Variants in METAP1D observed in about 807,000 individuals in gnomAD.
METAP1D encodes the protein methionyl aminopeptidase type 1D, mitochondrial, also known as methionine aminopeptidase 1D, mitochondrial.
In METAP1D, 31 loss-of-function variants were observed where a neutral mutation model predicts 40.5. That is an observed-to-expected ratio of 0.77 (90% CI 0.58 to 1.03). METAP1D has a LOEUF of 1.03. Among genes scored for constraint, METAP1D ranks in the 50% least tolerant of loss-of-function variants. METAP1D has a pLI of 0.00. For missense variants in METAP1D, 411 were observed against 420.7 expected, an observed-to-expected ratio of 0.98 and a Z score of 0.20; for synonymous variants, 151 against 146.4, an observed-to-expected ratio of 1.03 and a Z score of -0.22.
chr2:172,000,322 A>G (rs1015578935), intron 1 of METAP1D, among the ~76,000 whole-genome samples: 2 of 152,216 alleles, frequency 1.3e-5, no homozygotes, highest in African/African-American at 4.8e-5. Flanking sequence ...AGTGTAACCA[A>G]CATTTATTCT....
At chr2:172,001,056 G>C (rs1285886815) in intron 1 of METAP1D, among the ~76,000 whole-genome samples, 1 of 152,068 alleles carries the variant, frequency 6.6e-6, no homozygotes, top group Non-Finnish European at 1.5e-5. Flanking sequence ...TTTGCAGAAG[G>C]GAAAAGTAAG....
intron 1 of METAP1D, among the ~76,000 whole-genome samples, chr2:172,003,982 T>C (rs1045164085): frequency 9.2e-5 from 14 of 152,032 alleles, no homozygotes; most frequent in African/African-American, 2.9e-4. Context: ...GCCAGGCTGG[T>C]CTCTCTTGAA....
At chr2:172,035,281 C>T (rs1403684157) in intron 1 of METAP1D, among the ~76,000 whole-genome samples, 1 of 152,126 alleles carries the variant, frequency 6.6e-6, no homozygotes, top group Non-Finnish European at 1.5e-5. Flanking sequence ...TCTCCTGCCT[C>T]AGCCTCCCGA....
intron 5 of METAP1D, among the ~76,000 whole-genome samples, chr2:172,068,484 A>G (rs1574140915): frequency 6.6e-6 from 1 of 151,910 alleles, no homozygotes; most frequent in African/African-American, 2.4e-5. Context: ...TTTCAAAAGT[A>G]TTGTATTTCT....
intron 1 of METAP1D, among the ~76,000 whole-genome samples, chr2:172,019,766 A>G (rs2105394386): frequency 6.6e-6 from 1 of 152,240 alleles, no homozygotes; most frequent in South Asian, 2.1e-4. Flanking sequence ...TTTAAAATTC[A>G]TCTCAAGTAC....
chr2:172,060,408 CCCTG>C (rs1690111832), intron 1 of METAP1D, among the ~76,000 whole-genome samples: 2 of 147,434 alleles, frequency 1.4e-5, no homozygotes, highest in South Asian at 4.3e-4. Flanking sequence ...CAGAGCAAGA[CCCTG>C]TCTCAAAAAA....
chr2:172,055,948 T>C (rs549522329), intron 1 of METAP1D, among the ~76,000 whole-genome samples: 10 of 152,182 alleles, frequency 6.6e-5, no homozygotes, highest in Non-Finnish European at 1.2e-4. Flanking sequence ...GCAACACTGT[T>C]CATCCTAAAA....
chr2:172,015,752 G>A (rs1688838231), intron 1 of METAP1D, among the ~76,000 whole-genome samples: 1 of 151,996 alleles, frequency 6.6e-6, no homozygotes, highest in Non-Finnish European at 1.5e-5. Flanking sequence ...TTAAGGCCAG[G>A]AGTTCCAGAC....
intron 1 of METAP1D, among the ~76,000 whole-genome samples, chr2:172,003,426 CT>C (rs2105368137): frequency 1.3e-5 from 2 of 152,284 alleles, no homozygotes; most frequent in Admixed American, 1.3e-4. Context: ...GAAATCTCAG[CT>C]TGAATTGTAA....
chr2:172,052,144 C>T (rs1689898089), intron 1 of METAP1D, among the ~76,000 whole-genome samples: 1 of 152,198 alleles, frequency 6.6e-6, no homozygotes, highest in African/African-American at 2.4e-5. Flanking sequence ...TTTCCAACAC[C>T]TGCATACCAA....
intron 1 of METAP1D, among the ~76,000 whole-genome samples, chr2:172,041,372 T>C (rs1393393771): frequency 7.8e-6 from 1 of 127,432 alleles, no homozygotes; most frequent in East Asian, 2.1e-4. Flanking sequence ...GGCATAAGAA[T>C]CGCTTGAATC....
Position 172,081,433 on chromosome 2 carries a change from C to T in METAP1D, c.*1027C>T, listed in dbSNP as rs150132966. On this transcript the variant is annotated 3_prime_UTR_variant, in exon 10 of 10. Coordinates refer to ENST00000315796, the MANE Select transcript of METAP1D (RefSeq NM_199227.3). The stretch of plus-strand genomic sequence containing the variant: ...ATTTGAGAGCAAGGGCCTACTTGGC[C>T]GGGACTGAAGCTTGCGAGTTGAGCT... 6.6e-6 allele frequency: 1 copy of T among 152,372 alleles called. No individual in the cohort carries two copies. Among genetic ancestry groups the T allele is most frequent in the East Asian group, 1.9e-4 (1 of 5,182 alleles). The allele number at this position is 152,372 out of a possible 1,614,324, so 9.4% of individuals were successfully genotyped here. A position where few individuals can be genotyped will look rare whatever the true frequency, so the allele number is the denominator to read the frequency against.
intron 1 of METAP1D, among the ~76,000 whole-genome samples, chr2:172,060,878 G>A (rs1472686391): frequency 6.6e-6 from 1 of 152,220 alleles, no homozygotes; most frequent in African/African-American, 2.4e-5. Flanking sequence ...AAGGATATGT[G>A]CATTTAAAAT....
chr2:172,034,076 C>CAAAAA (rs1491369972), intron 1 of METAP1D, among the ~76,000 whole-genome samples: 1 of 39,104 alleles, frequency 2.6e-5, no homozygotes, highest in African/African-American at 9.5e-5. Context: ...GACTTCATCT[C>CAAAAA]AAAAAAAAAA....
chr2:172,020,074 C>T (rs1048547368), intron 1 of METAP1D, among the ~76,000 whole-genome samples: 3 of 152,150 alleles, frequency 2.0e-5, no homozygotes, highest in African/African-American at 7.2e-5. Context: ...CTTGTCGCAA[C>T]CTCCCGGGTT....
In METAP1D at chr2:172,061,573, AT is replaced by A; in HGVS notation, c.119del (p.Phe40SerfsTer13). 2 of 1,613,920 alleles carry A rather than the reference AT, an allele frequency of 1.2e-6. No homozygotes were observed. Among genetic ancestry groups the A allele is most frequent in the Non-Finnish European group, 1.7e-6 (2 of 1,179,888 alleles). On this transcript the variant is annotated frameshift_variant, in exon 2 of 10. Transcript: ENST00000315796. LOFTEE classifies it high-confidence loss of function. The part of the protein sequence containing the change: ...HKQSSSQQRR[N>X]FFFRRQRDIS... The stretch of plus-strand genomic sequence containing the variant: ...CAGTCAAGCAGTCAACAAAGAAGAA[AT>A]TTCTTTTTTCGGAGACAAAGAGATA...
At chr2:172,039,094 C>T (rs1254378126) in intron 1 of METAP1D, among the ~76,000 whole-genome samples, 3 of 152,134 alleles carry the variant, frequency 2.0e-5, no homozygotes, top group Non-Finnish European at 4.4e-5. Context: ...GGAGGGTTCC[C>T]ATACCATTCT....
At chr2:172,004,603 G>C (rs1037922734) in intron 1 of METAP1D, among the ~76,000 whole-genome samples, 2 of 152,164 alleles carry the variant, frequency 1.3e-5, no homozygotes, top group African/African-American at 4.8e-5. Context: ...GGGATTATAA[G>C]CATGAGCCAC....
rs115118388 is a variant in METAP1D at position 172,055,566 on chromosome 2, G to A, written c.41-5932G>A. Among the ~76,000 whole-genome samples the A allele has an allele frequency of 3.0e-3, 454 of 152,194 alleles. 3 individuals are homozygous for A. Among genetic ancestry groups the A allele is most frequent in the African/African-American group, 0.01 (429 of 41,524 alleles). ...AGTTGGAGGACCATTATCTTCTAAA[G>A]GTACCATGACTTATGCCCATTTCTT... On this transcript the variant is annotated intron_variant, in intron 1 of 9. Transcript: ENST00000315796.
Sources: allele counts gnomAD v4.1 joint callset (sites outside exome capture counted in the v4.1 genomes callset), GRCh38; gene constraint gnomAD v4.1.1; transcripts MANE v1.5; gene names NCBI Gene and HGNC (gene_info 2026-07-23, HGNC 2026-07-21).